The following EVI5L variants were observed in gnomAD, a reference collection of about 807,000 sequenced individuals.
EVI5L encodes the protein EVI5-like protein.
In EVI5L, 30 loss-of-function variants were observed where a neutral mutation model predicts 106.1. The ratio of observed to expected loss-of-function variants is 0.28; its 90% CI spans 0.21 to 0.38. The LOEUF (loss-of-function observed/expected upper bound fraction) is 0.38, where lower values mean the gene tolerates loss of function less well. Among genes scored for constraint, EVI5L ranks in the 10% least tolerant of loss-of-function variants. EVI5L has a pLI of 1.00. For missense variants in EVI5L, 809 were observed against 1,098.0 expected, an observed-to-expected ratio of 0.74 and a Z score of 3.72; for synonymous variants, 489 against 483.3, an observed-to-expected ratio of 1.01 and a Z score of -0.15.
chr19:7,831,170 A>C (rs1438199609), intron 1 of EVI5L, among the ~76,000 whole-genome samples: 3 of 150,508 alleles, frequency 2.0e-5, no homozygotes, highest in African/African-American at 7.4e-5. Flanking sequence ...CTCCCGTTGG[A>C]TATTCTGAAC....
chr19:7,862,479 G>C lies in EVI5L; in HGVS notation c.1892G>C (p.Gly631Ala). The part of the protein sequence containing the change: ...KLQYLAAQNK[G>A]LQTQLSESRR... ...CAGTACCTGGCTGCACAGAACAAGG[G>C]GCTGCAGACGCAGCTCAGCGAAAGC... The change falls in exon 17 of 20, where the codon GGG becomes GCG. Residue 631 changes from glycine to alanine, a missense_variant. Physicochemically the swap from Gly to Ala is moderately conservative, Grantham distance 60 (BLOSUM62 0). Around this residue, in one of 2 missense-constraint regions of EVI5L, gnomAD observed 452 missense variants for 509.9 expected, o/e 0.89. Coordinates refer to ENST00000538904, the MANE Select transcript of EVI5L (RefSeq NM_001159944.3). The C allele has an allele frequency of 6.3e-7, 1 of 1,594,188 alleles. No individual in the cohort carries two copies. Among genetic ancestry groups the C allele is most frequent in the South Asian group, 1.1e-5 (1 of 89,090 alleles).
Position 7,850,839 on chromosome 19 carries a change from G to C in EVI5L, c.754-595G>C, listed in dbSNP as rs144438354. ...CCACAGCCAAGCTTGCAAACTCAGG[G>C]CGCAGAGAGCCCCTGGCGCTGGGAG... On this transcript the variant is annotated intron_variant, in intron 6 of 19. Transcript: ENST00000538904. The surrounding 1 kb of genome is among the most constrained non-coding windows in gnomAD (Gnocchi z 5.4). Among the ~76,000 whole-genome samples, 1 of 152,222 alleles carries C rather than the reference G, an allele frequency of 6.6e-6. No individual in the cohort carries two copies. The highest frequency in any genetic ancestry group is 2.4e-5 in the African/African-American group (1 of 41,454).
chr19:7,860,588 G>C lies in EVI5L; in HGVS notation c.1402G>C (p.Val468Leu). 1.3e-6 allele frequency: 2 copies of C among 1,598,678 alleles called. No individual in the cohort carries two copies. Among genetic ancestry groups the C allele is most frequent in the Non-Finnish European group, 1.7e-6 (2 of 1,173,370 alleles). ...QENPRLTEDFVSHLETELEQS... is the reference protein window; with the variant it reads ...QENPRLTEDFLSHLETELEQS... ...GAACCCCCGCCTCACAGAAGACTTC[G>C]TGTCCCACCTGGAGACCGAGCTGGA... is the stretch of plus-strand genomic sequence containing the variant. Residue 468 changes from valine to leucine, a missense_variant, in exon 14 of 20, where the codon GTG (valine) becomes CTG (leucine). By Grantham distance (32) the Val-to-Leu change is conservative (BLOSUM62 1). Coordinates refer to ENST00000538904, the MANE Select transcript of EVI5L (RefSeq NM_001159944.3).
intron 10 of EVI5L, 45 bp downstream of exon 10, chr19:7,853,378 T>C (rs373801605): frequency 1.9e-5 from 30 of 1,579,778 alleles, no homozygotes; most frequent in Admixed American, 5.6e-5. Flanking sequence ...GGGAGGCCTT[T>C]GGGGGCTGCC....
chr19:7,842,088 TGAG>T (rs1411960242), intron 1 of EVI5L, among the ~76,000 whole-genome samples: 3 of 152,070 alleles, frequency 2.0e-5, no homozygotes, highest in Middle Eastern at 3.4e-3. Context: ...TGTTTTGTGT[TGAG>T]AAGTGTGAAA....
At chr19:7,831,226 A>AACACACACACACACACAC (rs4045095) in intron 1 of EVI5L, among the ~76,000 whole-genome samples, 1 of 130,364 alleles carries the variant, frequency 7.7e-6, no homozygotes, top group East Asian at 2.3e-4. Context: ...GAAAACCCCA[A>AACACACACACACACACAC]ACACACACAC....
chr19:7,852,220 TGG>T (rs1568240289), intron 8 of EVI5L, among the ~76,000 whole-genome samples: 1 of 152,222 alleles, frequency 6.6e-6, no homozygotes, highest in Non-Finnish European at 1.5e-5. Context: ...GCCCTGCTGC[TGG>T]CCAGCCTGCC....
In EVI5L at chr19:7,851,672, C is replaced by G. The variant is rs376739627; in HGVS notation, c.898-9C>G. Reference sequence around the variant, plus strand: ...CCTCCACCTCCCACTGCCTTTGCCGCCTTTGCAGGGGCTGGAGATCGTGTT... The same window carrying G: ...CCTCCACCTCCCACTGCCTTTGCCGGCTTTGCAGGGGCTGGAGATCGTGTT... On this transcript the variant is annotated splice_polypyrimidine_tract_variant and intron_variant, in intron 7 of 19. Coordinates refer to ENST00000538904, the MANE Select transcript of EVI5L (RefSeq NM_001159944.3). 4 of 1,584,712 alleles carry G rather than the reference C, an allele frequency of 2.5e-6. No individual in the cohort carries two copies. In the South Asian group the frequency reaches 3.5e-5, roughly 14 times the overall value.
rs1979184032 is a variant in EVI5L at position 7,850,412 on chromosome 19, TC to T, written c.753+291del. ...GGCAGAGGGGTGGGGCAGGCTCACA[TC>T]GGACACAGCCACAGCCACCTCCCTG... On this transcript the variant is annotated intron_variant, in intron 6 of 19. Coordinates refer to ENST00000538904, the MANE Select transcript of EVI5L (RefSeq NM_001159944.3). This position sits in a 1 kb window ranked among gnomAD's most constrained non-coding sequence, Gnocchi z 5.4. Among the ~76,000 whole-genome samples the T allele has an allele frequency of 6.6e-6, 1 of 152,016 alleles. No homozygotes were observed. The highest frequency in any genetic ancestry group is 3.2e-3 in the Middle Eastern group (1 of 316).
Position 7,857,995 on chromosome 19 carries a change from G to A in EVI5L, c.1234-196G>A. 8.2e-6 allele frequency: 5 copies of A among 610,478 alleles called. No homozygotes were observed. The highest frequency in any genetic ancestry group is 3.0e-5 in the Admixed American group (1 of 33,200). 37.8% of individuals were successfully genotyped at this position (610,478 alleles called of 1,614,324 possible). A position where few individuals can be genotyped will look rare whatever the true frequency, so the allele number is the denominator to read the frequency against. On this transcript the variant is annotated intron_variant, in intron 12 of 19. Coordinates refer to ENST00000538904, the MANE Select transcript of EVI5L (RefSeq NM_001159944.3). This position sits in a 1 kb window ranked among gnomAD's most constrained non-coding sequence, Gnocchi z 4.5. ...CTGTTCCTCCCGGGCTCCTCCAGGT[G>A]TCCTATTCCTGCCTGTCACCCACCC...
At chr19:7,851,826 A>G (rs1979266272) in intron 8 of EVI5L, 56 bp downstream of exon 8, 3 of 1,437,478 alleles carry the variant, frequency 2.1e-6, no homozygotes, top group Non-Finnish European at 2.7e-6. Flanking sequence ...GCTTCGAGTC[A>G]CAGGATGCCC....
intron 17 of EVI5L, among the ~76,000 whole-genome samples, 180 bp downstream of exon 17, chr19:7,862,714 T>C (rs1599581648): frequency 3.4e-5 from 1 of 29,754 alleles, no homozygotes; most frequent in Non-Finnish European, 6.4e-5. Context: ...CGACCCCGCC[T>C]CCTGATCCGG....
At position 7,845,213 on chromosome 19, in the gene EVI5L, A is replaced by G. The variant is rs1978901655; in HGVS notation, c.-47-1283A>G. Among the ~76,000 whole-genome samples the G allele has an allele frequency of 6.6e-6, 1 of 152,102 alleles. No homozygotes were observed. Among genetic ancestry groups the G allele is most frequent in the South Asian group, 2.1e-4 (1 of 4,832 alleles). On this transcript the variant is annotated intron_variant, in intron 1 of 19. Transcript: ENST00000538904. This position sits in a 1 kb window ranked among gnomAD's most constrained non-coding sequence, Gnocchi z 4.0. ...GGCGGGCATGAGGAGCCGTGCAAAT[A>G]AGGAGGCAGGAGGCAGGGTTTCCTT...
In EVI5L at chr19:7,863,427, C is replaced by T; in HGVS notation, c.2143C>T (p.Arg715Trp). 1 of 1,540,504 alleles carries T rather than the reference C, an allele frequency of 6.5e-7. No homozygotes were observed. Among genetic ancestry groups the T allele is most frequent in the East Asian group, 2.5e-5 (1 of 40,730 alleles). Residue 715 changes from arginine (R) to tryptophan (W), a missense_variant, in exon 20 of 20, where the codon CGG becomes TGG. This residue lies in a region of EVI5L where 452 missense variants were observed against 509.9 expected (regional missense o/e 0.89). Coordinates refer to ENST00000538904, the MANE Select transcript of EVI5L (RefSeq NM_001159944.3). This position sits in a 1 kb window ranked among gnomAD's most constrained non-coding sequence, Gnocchi z 7.7. The stretch of plus-strand genomic sequence containing the variant: ...CAGCGCCGGTCCCCCGCCCCAGGTG[C>T]GGCTGCTGAAGGGCCCGCCGCCCTT... Reference protein sequence around the residue: ...DQIEELKAEVRLLKGPPPFED... With the variant: ...DQIEELKAEVWLLKGPPPFED...
chr19:7,855,590 C>G (rs532025357), intron 10 of EVI5L, among the ~76,000 whole-genome samples: 1 of 152,180 alleles, frequency 6.6e-6, no homozygotes, highest in East Asian at 1.9e-4. Context: ...AGCCTGCCCC[C>G]GGAATTGAAC....
intron 2 of EVI5L, among the ~76,000 whole-genome samples, chr19:7,847,045 A>G (rs528229116): frequency 1.6e-4 from 25 of 152,326 alleles, no homozygotes; most frequent in Admixed American, 1.6e-3. Context: ...ACCACCGAAC[A>G]CTTTGGGAGG....
chr19:7,860,005 T>C (rs982960093), intron 13 of EVI5L, among the ~76,000 whole-genome samples: 1 of 152,192 alleles, frequency 6.6e-6, no homozygotes, highest in Non-Finnish European at 1.5e-5. Flanking sequence ...GGTGTCCTTT[T>C]TCAGGTCCAG....
Position 7,850,840 on chromosome 19 carries a change from C to G in EVI5L, c.754-594C>G, listed in dbSNP as rs925911282. On this transcript the variant is annotated intron_variant, in intron 6 of 19. Transcript: ENST00000538904. This position sits in a 1 kb window ranked among gnomAD's most constrained non-coding sequence, Gnocchi z 5.4. Reference sequence around the variant, plus strand: ...CACAGCCAAGCTTGCAAACTCAGGGCGCAGAGAGCCCCTGGCGCTGGGAGG... The same window carrying G: ...CACAGCCAAGCTTGCAAACTCAGGGGGCAGAGAGCCCCTGGCGCTGGGAGG... Among the ~76,000 whole-genome samples, 1 of 152,196 alleles carries G rather than the reference C, an allele frequency of 6.6e-6. No individual in the cohort carries two copies. The highest frequency in any genetic ancestry group is 1.5e-5 in the Non-Finnish European group (1 of 68,026).
rs376230554 is a variant in EVI5L at position 7,862,401 on chromosome 19, G to T, written c.1814G>T (p.Arg605Leu). 10 of 1,606,078 alleles carry T rather than the reference G, an allele frequency of 6.2e-6. No individual in the cohort carries two copies. In the African/African-American group the frequency reaches 1.2e-4, roughly 19 times the overall value. The change falls in exon 17 of 20, where the codon CGC (arginine) becomes CTC (leucine). Residue 605 changes from arginine (R) to leucine (L), a missense_variant. Arg to Leu is a moderately radical substitution (Grantham distance 102). Coordinates refer to ENST00000538904, the MANE Select transcript of EVI5L (RefSeq NM_001159944.3). ...VELETQDHIH[R>L]NLLNRVEAER... ...TCCCTATCCCAGGACCACATCCACC[G>T]CAACCTTCTGAACCGCGTGGAGGCG...
Sources: allele counts gnomAD v4.1 joint callset (sites outside exome capture counted in the v4.1 genomes callset), GRCh38; gene constraint gnomAD v4.1.1; regional missense constraint gnomAD v4.1.1; non-coding constraint Gnocchi (gnomAD v3.1); transcripts MANE v1.5; gene names NCBI Gene and HGNC (gene_info 2026-07-23, HGNC 2026-07-21).